ADCK5: variants seen among roughly 807,000 people sequenced by gnomAD.
ADCK5 encodes the protein aarF domain containing kinase 5, also known as uncharacterized aarF domain-containing protein kinase 5.
In ADCK5, 43 loss-of-function variants were observed where a neutral mutation model predicts 64.9. The observed-to-expected ratio is 0.66, with a 90% CI of 0.52 to 0.85. The LOEUF is 0.85. ADCK5 is among the 40% of genes least tolerant of loss of function. The pLI is 0.00. For missense variants in ADCK5, 760 were observed against 810.5 expected, an observed-to-expected ratio of 0.94 and a Z score of 0.76; for synonymous variants, 434 against 342.8, an observed-to-expected ratio of 1.27 and a Z score of -2.94.
chr8:144,383,232 T>A lies in ADCK5; in HGVS notation c.266+2T>A. ...GGATGGCATGGGGCGCTTTGGCAGG[T>A]AGGAGGGCCTGGCGGCAGGCAGGGG... On this transcript the variant is annotated splice_donor_variant, in intron 3 of 14. Transcript: ENST00000308860. LOFTEE classifies it high-confidence loss of function. The A allele has an allele frequency of 6.4e-7, 1 of 1,565,560 alleles. No homozygotes were observed. Among genetic ancestry groups the A allele is most frequent in the Non-Finnish European group, 8.7e-7 (1 of 1,154,532 alleles).
At chr8:144,390,190 A>T (rs994823616) in intron 3 of ADCK5, among the ~76,000 whole-genome samples, 11 of 151,730 alleles carry the variant, frequency 7.2e-5, no homozygotes, top group Non-Finnish European at 1.5e-4. Context: ...GCAGTGGTGC[A>T]ATCTCAGCTT....
chr8:144,383,756 C>G (rs1554858802), intron 3 of ADCK5, among the ~76,000 whole-genome samples: 2 of 152,160 alleles, frequency 1.3e-5, no homozygotes, highest in Non-Finnish European at 2.9e-5. Flanking sequence ...AGGACACCTT[C>G]TGTTGGAACC....
At chr8:144,373,130 A>T (rs911827476), upstream of ADCK5, 1 of 152,500 alleles carries the variant, frequency 6.6e-6, no homozygotes, top group Non-Finnish European at 1.5e-5. Context: ...CTGACTCAGG[A>T]GCCCTCGTGG....
intron 2 of ADCK5, among the ~76,000 whole-genome samples, chr8:144,382,754 G>C (rs2130702904): frequency 6.6e-6 from 1 of 152,360 alleles, no homozygotes; most frequent in Admixed American, 6.5e-5. Context: ...GGAGACCACG[G>C]TCCGTGAGGA....
At position 144,392,668 on chromosome 8, in the gene ADCK5, C is replaced by G; in HGVS notation, c.1491C>G (p.Pro497=). 1.3e-6 allele frequency: 2 copies of G among 1,594,722 alleles called. No individual in the cohort carries two copies. The highest frequency in any genetic ancestry group is 1.7e-6 in the Non-Finnish European group (2 of 1,171,828). ...VRAINVALGA[P]VDRYFLMAKR... ...CTATCAACGTGGCCCTCGGCGCCCC[C>G]GTGGACCGCTACTTCCTTATGGCTA... The change falls in exon 13 of 15, where the codon CCC becomes CCG. Residue 497 remains proline (P), a synonymous_variant. Coordinates refer to ENST00000308860, the MANE Select transcript of ADCK5 (RefSeq NM_174922.5).
Position 144,392,334 on chromosome 8 carries a change from T to TGGGGGTGCAAGGTAA in ADCK5, c.1267+2_1267+3insAAGGGGGTGCAAGGT. 2 of 1,476,844 alleles carry TGGGGGTGCAAGGTAA rather than the reference T, an allele frequency of 1.4e-6. No homozygotes were observed. Among genetic ancestry groups the TGGGGGTGCAAGGTAA allele is most frequent in the Non-Finnish European group, 1.8e-6 (2 of 1,115,098 alleles). The allele number at this position is 1,476,844 out of a possible 1,614,324, so 91.5% of individuals were successfully genotyped here. A position where few individuals can be genotyped will look rare whatever the true frequency, so the allele number is the denominator to read the frequency against. On this transcript the variant is annotated inframe_insertion, in exon 12 of 15. Transcript: ENST00000308860. ...GCCATGAGGGCGCACGCAGCCGCAC[T>TGGGGGTGCAAGGTAA]GGGGGTGCAAGGTGAGGGCGTGCGG...
intron 3 of ADCK5, among the ~76,000 whole-genome samples, chr8:144,386,153 T>A (rs913872117): frequency 6.7e-6 from 1 of 150,368 alleles, no homozygotes; most frequent in Non-Finnish European, 1.5e-5. Flanking sequence ...GGACTACAGG[T>A]GTGCGCGCCA....
Position 144,390,942 on chromosome 8 carries a change from C to A in ADCK5, c.429C>A (p.Gly143=), listed in dbSNP as rs1554860318. The change falls in exon 5 of 15, where the codon GGC becomes GGA. Residue 143 remains glycine (G), a synonymous_variant. Transcript: ENST00000308860. ...ALVAGAISNG[G]LYVKLGQGLC... ...TGGCAGGGGCCATCAGCAACGGGGGCCTCTACGTGAAGCTGGGCCAGGGGC... is the reference window on the plus strand; with the variant it reads ...TGGCAGGGGCCATCAGCAACGGGGGACTCTACGTGAAGCTGGGCCAGGGGC... The A allele has an allele frequency of 3.1e-6, 5 of 1,612,832 alleles. No homozygotes were observed. Among genetic ancestry groups the A allele is most frequent in the Middle Eastern group, 1.6e-4 (1 of 6,084 alleles).
At chr8:144,378,709 G>A (rs1554857569) in intron 1 of ADCK5, among the ~76,000 whole-genome samples, 3 of 151,932 alleles carry the variant, frequency 2.0e-5, no homozygotes, top group East Asian at 1.9e-4. Flanking sequence ...GTGAAACTCC[G>A]TCTCTACTAA....
chr8:144,393,227 C>G lies in ADCK5; in HGVS notation c.*153C>G. 7.2e-7 allele frequency: 1 copy of G among 1,389,132 alleles called. No homozygotes were observed. The highest frequency in any genetic ancestry group is 9.6e-7 in the Non-Finnish European group (1 of 1,038,426). The allele number at this position is 1,389,132 out of a possible 1,614,324, so 86.1% of individuals were successfully genotyped here. On this transcript the variant is annotated 3_prime_UTR_variant, in exon 15 of 15. Coordinates refer to ENST00000308860, the MANE Select transcript of ADCK5 (RefSeq NM_174922.5). Reference sequence around the variant, plus strand: ...GGAGGCCGTGTAATGACCACACACTCCTCTCAAGCAAAAAATGTTTTTCCT... The same window carrying G: ...GGAGGCCGTGTAATGACCACACACTGCTCTCAAGCAAAAAATGTTTTTCCT...
At position 144,383,209 on chromosome 8, in the gene ADCK5, A is replaced by G; in HGVS notation, c.245A>G (p.Asp82Gly). 6.3e-7 allele frequency: 1 copy of G among 1,590,956 alleles called. No homozygotes were observed. The highest frequency in any genetic ancestry group is 1.3e-5 in the African/African-American group (1 of 74,730). The change falls in exon 3 of 15, where the codon GAT (aspartate) becomes GGT (glycine). Residue 82 changes from aspartate (D) to glycine (G), a missense_variant. Physicochemically the swap from Asp to Gly is moderately conservative, Grantham distance 94 (BLOSUM62 -1). Around this residue, in one of 2 missense-constraint regions of ADCK5, gnomAD observed 427 missense variants for 518.4 expected, o/e 0.82. Transcript: ENST00000308860. ...AAGAGGAGGATGCGGCTCGTGGTGG[A>G]TGGCATGGGGCGCTTTGGCAGGTAG... is the stretch of plus-strand genomic sequence containing the variant. ...REKRRMRLVV[D>G]GMGRFGRSLK...
chr8:144,392,248 A>C lies in ADCK5; in HGVS notation c.1176-6A>C. The C allele has an allele frequency of 6.5e-7, 1 of 1,538,660 alleles. No homozygotes were observed. The highest frequency in any genetic ancestry group is 8.7e-7 in the Non-Finnish European group (1 of 1,146,674). ...AGCTCATGGCTGCGGGCCCATCCAC[A>C]CCCAGGGACCGCGCAGCCCTCTGCC... On this transcript the variant is annotated splice_region_variant and splice_polypyrimidine_tract_variant and intron_variant, in intron 11 of 14. Coordinates refer to ENST00000308860, the MANE Select transcript of ADCK5 (RefSeq NM_174922.5).
rs1820418500 is a variant in ADCK5, at chr8:144,393,174, C to A, written c.*100C>A. The A allele has an allele frequency of 5.9e-6, 8 of 1,357,418 alleles. No homozygotes were observed. The highest frequency in any genetic ancestry group is 1.5e-5 in the South Asian group (1 of 67,152). The allele number at this position is 1,357,418 out of a possible 1,614,324, so 84.1% of individuals were successfully genotyped here. A position where few individuals can be genotyped will look rare whatever the true frequency, so the allele number is the denominator to read the frequency against. On this transcript the variant is annotated 3_prime_UTR_variant, in exon 15 of 15. Coordinates refer to ENST00000308860, the MANE Select transcript of ADCK5 (RefSeq NM_174922.5). ...ACCCCGAGCCCCGTGGGCACTCGCA[C>A]TGGGGGGCTGTGACAGCAGCTGGGC...
At position 144,376,436 on chromosome 8, in the gene ADCK5, G is replaced by C. The variant is rs1819368210; in HGVS notation, c.12+2329G>C. Among the ~76,000 whole-genome samples the C allele has an allele frequency of 6.6e-6, 1 of 152,216 alleles. No individual in the cohort carries two copies. The highest frequency in any genetic ancestry group is 1.5e-5 in the Non-Finnish European group (1 of 68,040). ...CATGAGCAAGGCTGCTGGTGGACCA[G>C]GGTAGGGTGATGGTGGCCCGGGGTC... On this transcript the variant is annotated intron_variant, in intron 1 of 14. Transcript: ENST00000308860. This position sits in a 1 kb window ranked among gnomAD's most constrained non-coding sequence, Gnocchi z 5.1.
At chr8:144,375,775 C>A in intron 1 of ADCK5, 1 of 617,160 alleles carries the variant, frequency 1.6e-6, no homozygotes, top group Non-Finnish European at 2.0e-6. Context: ...GAGGTTCTGA[C>A]AGGGGGCACC....
intron 3 of ADCK5, chr8:144,389,460 T>C (rs58263086): frequency 0.015 from 6,099 of 411,388 alleles, 323 homozygotes; most frequent in African/African-American, 0.11. Context: ...TACTGTCCCC[T>C]ACCCCATCTC....
intron 3 of ADCK5, among the ~76,000 whole-genome samples, chr8:144,388,763 CA>C (rs1294944738): frequency 0.014 from 1,487 of 109,156 alleles, 23 homozygotes; most frequent in African/African-American, 0.041. Flanking sequence ...ACTCCGTCTC[CA>C]AAAAAAAAAA....
In ADCK5 at chr8:144,384,278, C is replaced by T. The variant is rs1393896913; in HGVS notation, c.266+1048C>T. Among the ~76,000 whole-genome samples the T allele has an allele frequency of 1.3e-5, 2 of 152,082 alleles. No homozygotes were observed. Among genetic ancestry groups the T allele is most frequent in the South Asian group, 2.1e-4 (1 of 4,822 alleles). ...GCAGGGAGGGTGTGGTCCTGTTCTGCCTGCCTCCGAGCATCTGCCAGGCCT... is the reference window on the plus strand; with the variant it reads ...GCAGGGAGGGTGTGGTCCTGTTCTGTCTGCCTCCGAGCATCTGCCAGGCCT... On this transcript the variant is annotated intron_variant, in intron 3 of 14. Coordinates refer to ENST00000308860, the MANE Select transcript of ADCK5 (RefSeq NM_174922.5). This position sits in a 1 kb window ranked among gnomAD's most constrained non-coding sequence, Gnocchi z 5.7.
At position 144,392,353 on chromosome 8, in the gene ADCK5, C is replaced by A; in HGVS notation, c.1267+8C>A. ...CCGCACTGGGGGTGCAAGGTGAGGG[C>A]GTGCGGGGATGGCTGGGGCACCACA... On this transcript the variant is annotated splice_region_variant and intron_variant, in intron 12 of 14. Coordinates refer to ENST00000308860, the MANE Select transcript of ADCK5 (RefSeq NM_174922.5). 1 of 1,052,410 alleles carries A rather than the reference C, an allele frequency of 9.5e-7. No homozygotes were observed. Among genetic ancestry groups the A allele is most frequent in the Non-Finnish European group, 1.3e-6 (1 of 762,838 alleles). 65.2% of individuals were successfully genotyped at this position (1,052,410 alleles called of 1,614,324 possible).
Sources: allele counts gnomAD v4.1 joint callset (sites outside exome capture counted in the v4.1 genomes callset), GRCh38; gene constraint gnomAD v4.1.1; regional missense constraint gnomAD v4.1.1; non-coding constraint Gnocchi (gnomAD v3.1); transcripts MANE v1.5; gene names NCBI Gene and HGNC (gene_info 2026-07-23, HGNC 2026-07-21).